SPEF2: variants seen among roughly 807,000 people sequenced by gnomAD.
SPEF2 encodes the protein sperm flagellar and cilia associated 2, also known as sperm flagella and cilia-associated protein 2.
SPEF2 carries 187 observed loss-of-function variants against 224.6 expected under a neutral mutation model. That is an observed-to-expected ratio of 0.83 (90% CI 0.74 to 0.94). The LOEUF is 0.94. SPEF2 is among the 40% of genes least tolerant of loss of function. The probability of loss-of-function intolerance (pLI) is 0.00; values close to 1 mark genes in which losing one functional copy is unlikely to be tolerated. For missense variants in SPEF2, 2,170 were observed against 2,135.6 expected (o/e 1.02, Z -0.32); for synonymous variants, 715 against 707.3 (o/e 1.01, Z -0.17).
intron 2 of SPEF2, among the ~76,000 whole-genome samples, chr5:35,635,995 T>C (rs1340384863): frequency 7.9e-5 from 12 of 152,186 alleles, no homozygotes; most frequent in Non-Finnish European, 1.5e-4. Context: ...CATACTTTCT[T>C]GTTTCTTTGG....
At chr5:35,777,182 A>T (rs1358388190) in intron 29 of SPEF2, among the ~76,000 whole-genome samples, 1 of 152,180 alleles carries the variant, frequency 6.6e-6, no homozygotes, top group Non-Finnish European at 1.5e-5. Context: ...TCAAAAGGCA[A>T]TTATTCTTAG....
chr5:35,692,510 GACA>G (rs1754669533), intron 11 of SPEF2, 57 bp from the exon 12 acceptor site: 1 of 1,369,698 alleles, frequency 7.3e-7, no homozygotes, highest in Admixed American at 2.0e-5. Flanking sequence ...AGCACATAAA[GACA>G]ACAATTTCCA....
At chr5:35,792,091 T>C (rs917677385) in intron 30 of SPEF2, among the ~76,000 whole-genome samples, 3 of 152,134 alleles carry the variant, frequency 2.0e-5, no homozygotes, top group African/African-American at 7.2e-5. Context: ...TTTATAATTT[T>C]ACTCAATCTG....
chr5:35,635,777 G>A (rs539765634), intron 2 of SPEF2, among the ~76,000 whole-genome samples: 2 of 152,216 alleles, frequency 1.3e-5, no homozygotes, highest in East Asian at 1.9e-4. Context: ...TTGAAAATTC[G>A]TCAGATTTGC....
At chr5:35,732,484 G>A (rs758776827) in intron 21 of SPEF2, among the ~76,000 whole-genome samples, 2 of 152,138 alleles carry the variant, frequency 1.3e-5, no homozygotes, top group African/African-American at 2.4e-5. Context: ...AATAATGTTA[G>A]AGGGGCATTA....
chr5:35,677,003 T>C (rs1042741059), intron 10 of SPEF2, among the ~76,000 whole-genome samples: 2 of 152,066 alleles, frequency 1.3e-5, no homozygotes, highest in African/African-American at 4.8e-5. Flanking sequence ...CTCTAAGCTT[T>C]TTGGGGGTGG....
chr5:35,700,305 C>A, intron 15 of SPEF2, 191 bp from the exon 16 acceptor site: 2 of 612,224 alleles, frequency 3.3e-6, no homozygotes, highest in South Asian at 2.0e-5. Flanking sequence ...AGCACAGTAT[C>A]CACAGAAGTA....
intron 33 of SPEF2, among the ~76,000 whole-genome samples, chr5:35,798,406 G>GGCTGA (rs1206781701): frequency 1.3e-5 from 2 of 152,110 alleles, no homozygotes; most frequent in African/African-American, 4.8e-5. Flanking sequence ...TGGGAGTTCA[G>GGCTGA]CCTCAGCAGC....
chr5:35,700,779 C>T (rs983328728), intron 16 of SPEF2, 27 bp downstream of exon 16: 1 of 1,607,066 alleles, frequency 6.2e-7, no homozygotes, highest in Non-Finnish European at 8.5e-7. Flanking sequence ...TTTTGACACT[C>T]TTTTTACAAT....
intron 21 of SPEF2, among the ~76,000 whole-genome samples, chr5:35,733,264 G>A (rs1192362785): frequency 2.0e-5 from 3 of 152,004 alleles, no homozygotes; most frequent in Admixed American, 1.3e-4. Flanking sequence ...ACAGGCGCCC[G>A]CCACCACGCC....
rs916386441 is a variant in SPEF2, at chr5:35,688,189, C to T, written c.1525-2848C>T. ...GTTCAGGTTATAGCTGCCACCTCTG[C>T]ACCAGGAACTCTGCTCTTCAGCAGC... On this transcript the variant is annotated intron_variant, in intron 10 of 36. Coordinates refer to ENST00000356031, the MANE Select transcript of SPEF2 (RefSeq NM_024867.4). Among the ~76,000 whole-genome samples, 6 of 152,310 alleles carry T rather than the reference C, an allele frequency of 3.9e-5. 1 individual carries two copies.
intron 10 of SPEF2, chr5:35,678,334 T>G (rs973591120): frequency 6.6e-6 from 1 of 152,256 alleles, no homozygotes; most frequent in African/African-American, 2.4e-5. Flanking sequence ...ACAATCTGCT[T>G]CTAACCAGAA....
intron 30 of SPEF2, among the ~76,000 whole-genome samples, chr5:35,786,654 C>T (rs1238195177): frequency 6.6e-6 from 1 of 151,696 alleles, no homozygotes; most frequent in Admixed American, 6.6e-5. Context: ...GCGGGAGACT[C>T]CATCTCAAAA....
intron 26 of SPEF2, among the ~76,000 whole-genome samples, chr5:35,765,832 T>C (rs553990451): frequency 6.6e-6 from 1 of 152,274 alleles, no homozygotes; most frequent in African/African-American, 2.4e-5. Flanking sequence ...ATATCCTGTT[T>C]ACTCTAGAGG....
chr5:35,759,593 CA>C lies in SPEF2; in HGVS notation c.3497del (p.Lys1166ArgfsTer17). The C allele has an allele frequency of 1.2e-6, 2 of 1,605,662 alleles. No homozygotes were observed. The highest frequency in any genetic ancestry group is 2.2e-5 in the South Asian group (2 of 89,596). On this transcript the variant is annotated frameshift_variant, in exon 25 of 37. Transcript: ENST00000356031. LOFTEE classifies it high-confidence loss of function. The part of the protein sequence containing the change: ...MQAELNRFQD[T>X]KRLLQDYYWG... ...GCAGAGCTGAACCGTTTCCAAGATACAAAGAGACTCCTTCAAGATTATTACT... is the reference window on the plus strand; with the variant it reads ...GCAGAGCTGAACCGTTTCCAAGATACAAGAGACTCCTTCAAGATTATTACT...
chr5:35,761,748 A>G (rs1006081835), intron 25 of SPEF2, among the ~76,000 whole-genome samples: 7 of 152,210 alleles, frequency 4.6e-5, no homozygotes, highest in African/African-American at 1.4e-4. Context: ...CCAAATTTCA[A>G]TGTCGAGAGT....
intron 36 of SPEF2, among the ~76,000 whole-genome samples, chr5:35,813,053 A>G (rs1758635019): frequency 6.6e-6 from 1 of 152,244 alleles, no homozygotes; most frequent in Non-Finnish European, 1.5e-5. Flanking sequence ...TGGTTTAAAT[A>G]TATCTGGAGC....
intron 20 of SPEF2, among the ~76,000 whole-genome samples, chr5:35,720,484 G>A (rs1743435799): frequency 6.6e-6 from 1 of 152,266 alleles, no homozygotes; most frequent in South Asian, 2.1e-4. Context: ...GAGAGCATCT[G>A]TTAAAATTCT....
chr5:35,726,988 C>CG (rs1056466861), intron 20 of SPEF2, among the ~76,000 whole-genome samples: 6 of 79,002 alleles, frequency 7.6e-5, no homozygotes, highest in East Asian at 4.2e-4. Context: ...AAGCACCCCC[C>CG]CCCTTTCCTC....
Sources: gnomAD v4.1 joint callset for allele counts (sites outside exome capture counted in the v4.1 genomes callset) on GRCh38, gnomAD v4.1.1 for gene constraint, MANE v1.5 for transcripts, NCBI Gene and HGNC (gene_info 2026-07-23, HGNC 2026-07-21) for gene names.